The following PCDHA3 variants were observed in gnomAD, a reference collection of about 807,000 sequenced individuals.
PCDHA3 encodes protocadherin alpha-3.
Under a neutral mutation model 62.2 loss-of-function variants are expected in PCDHA3, and 41 were observed. The observed-to-expected ratio is 0.66, with a 90% CI of 0.51 to 0.86. The LOEUF (loss-of-function observed/expected upper bound fraction) is 0.86. Among genes scored for constraint, PCDHA3 ranks in the 40% least tolerant of loss-of-function variants. PCDHA3 has a pLI of 0.00. For synonymous variants in PCDHA3, 640 were observed against 555.4 expected (o/e 1.15, Z -2.14); for missense variants, 1,304 against 1,241.2 (o/e 1.05, Z -0.76).
At chr5:140,896,517 A>G (rs1300184594) in intron 1 of PCDHA3, among the ~76,000 whole-genome samples, 1 of 149,680 alleles carries the variant, frequency 6.7e-6, no homozygotes, top group African/African-American at 2.5e-5. Flanking sequence ...GGCACACACC[A>G]CAAAGCCCAG....
chr5:140,875,741 T>A lies in PCDHA3; in HGVS notation c.2394+72150T>A, dbSNP rs781967971. On this transcript the variant is annotated intron_variant, in intron 1 of 3. Transcript: ENST00000522353. ...GGCATTTTGTTTGTGAATTCTCGGA[T>A]CGACCGCGAGAAGCTGTGCGGGCGG... 1.7e-5 allele frequency: 28 copies of A among 1,614,216 alleles called. No individual in the cohort carries two copies. Among genetic ancestry groups the A allele is most frequent in the Non-Finnish European group, 2.2e-5 (26 of 1,180,032 alleles).
chr5:140,861,316 C>T (rs1554154495), intron 1 of PCDHA3: 4 of 215,598 alleles, frequency 1.9e-5, no homozygotes, highest in African/African-American at 9.3e-5. Context: ...AGGACCAGTT[C>T]CACTACACCA....
At chr5:140,892,086 C>T (rs965682257) in intron 1 of PCDHA3, among the ~76,000 whole-genome samples, 1 of 152,156 alleles carries the variant, frequency 6.6e-6, no homozygotes, top group Non-Finnish European at 1.5e-5. Context: ...CTAGTTTCCT[C>T]TCGAAACTTT....
chr5:140,830,051 C>G, intron 1 of PCDHA3: 2 of 1,613,728 alleles, frequency 1.2e-6, no homozygotes, highest in East Asian at 4.5e-5. Context: ...GGTGAAAGAC[C>G]ACGGTGAGCC....
In PCDHA3 at chr5:140,803,275, T is replaced by A; in HGVS notation, c.2078T>A (p.Leu693Gln). The A allele has an allele frequency of 6.2e-7, 1 of 1,614,018 alleles. No homozygotes were observed. Among genetic ancestry groups the A allele is most frequent in the South Asian group, 1.1e-5 (1 of 91,088 alleles). ...GGCGCCACGGGCCCGGAAGCTGCAC[T>A]GGTGGATGTCAACGTGTACTTGATC... Reference protein sequence around the residue: ...SAGATGPEAALVDVNVYLIVA... With the variant: ...SAGATGPEAAQVDVNVYLIVA... The change falls in exon 1 of 4, where the codon CTG becomes CAG. Residue 693 changes from leucine (L) to glutamine (Q), a missense_variant. Physicochemically the swap from Leu to Gln is moderately radical, Grantham distance 113. Transcript: ENST00000522353.
At chr5:140,992,807 C>G (rs781970284) in intron 3 of PCDHA3, among the ~76,000 whole-genome samples, 6 of 152,108 alleles carry the variant, frequency 3.9e-5, no homozygotes, top group Non-Finnish European at 4.4e-5. Flanking sequence ...CCATATGTAT[C>G]TAAGGATGTG....
intron 1 of PCDHA3, chr5:140,927,270 C>A (rs541200655): frequency 1.2e-6 from 2 of 1,614,034 alleles, no homozygotes; most frequent in Non-Finnish European, 1.7e-6. Context: ...TCTTTCCTGC[C>A]GGCGACGTGC....
chr5:140,831,775 T>C (rs1771697165), intron 1 of PCDHA3, among the ~76,000 whole-genome samples: 1 of 152,168 alleles, frequency 6.6e-6, no homozygotes, highest in South Asian at 2.1e-4. Context: ...TGTGGATGGA[T>C]TGTTTCACCT....
chr5:140,907,298 A>G (rs138771358), intron 1 of PCDHA3, among the ~76,000 whole-genome samples: 4 of 152,162 alleles, frequency 2.6e-5, no homozygotes, highest in Non-Finnish European at 4.4e-5. Flanking sequence ...CTGCTTCAGG[A>G]TGATGGGGAA....
intron 1 of PCDHA3, chr5:140,830,292 C>T (rs2150184584): frequency 1.2e-6 from 2 of 1,613,712 alleles, no homozygotes; most frequent in Non-Finnish European, 1.7e-6. Flanking sequence ...GCGTGCACGG[C>T]GGACAAGCCC....
chr5:140,947,882 T>C (rs1554218353), intron 1 of PCDHA3, among the ~76,000 whole-genome samples: 1 of 151,580 alleles, frequency 6.6e-6, no homozygotes, highest in Non-Finnish European at 1.5e-5. Context: ...TCCAGGACAA[T>C]ATAAACAGAA....
chr5:140,852,859 C>T, intron 1 of PCDHA3: 1 of 960,834 alleles, frequency 1.0e-6, no homozygotes. Context: ...TAAGCATTTA[C>T]TATGTCATCA....
At chr5:140,821,807 C>A (rs1291478949) in intron 1 of PCDHA3, 1 of 1,613,374 alleles carries the variant, frequency 6.2e-7, no homozygotes, top group African/African-American at 1.3e-5. Flanking sequence ...AGTCTGGGAT[C>A]CCGGCTCCTG....
chr5:140,990,990 A>G (rs1269528161), intron 3 of PCDHA3, among the ~76,000 whole-genome samples: 1 of 152,210 alleles, frequency 6.6e-6, no homozygotes, highest in East Asian at 1.9e-4. Flanking sequence ...GACAATAGCT[A>G]CCATTTATTG....
chr5:140,897,975 C>T (rs2066435180), intron 1 of PCDHA3, among the ~76,000 whole-genome samples: 1 of 152,228 alleles, frequency 6.6e-6, no homozygotes. Context: ...CTTTTGGCTG[C>T]ATAAATGTCT....
chr5:140,973,556 C>A lies in PCDHA3; in HGVS notation c.2395-5393C>A, dbSNP rs993191449. Among the ~76,000 whole-genome samples the A allele has an allele frequency of 3.9e-5, 6 of 152,336 alleles. 1 individual carries two copies. In the South Asian group the frequency reaches 1.2e-3, roughly 32 times the overall value. ...ATACAATAATTTATTTCAATTACCT[C>A]TTTCCTCAATTTTTCTACAGACTGC... On this transcript the variant is annotated intron_variant, in intron 1 of 3. Coordinates refer to ENST00000522353, the MANE Select transcript of PCDHA3 (RefSeq NM_018906.3).
In PCDHA3 at chr5:140,979,008, G is replaced by T; in HGVS notation, c.2453+1G>T. 1 of 1,613,990 alleles carries T rather than the reference G, an allele frequency of 6.2e-7. No individual in the cohort carries two copies. The highest frequency in any genetic ancestry group is 1.3e-5 in the African/African-American group (1 of 75,044). ...CCTCCCTGAGAGCAGGCATGCACAG[G>T]TATGTATTTCCCTCCTCATTCACTC... On this transcript the variant is annotated splice_donor_variant, in intron 2 of 3. Transcript: ENST00000522353. LOFTEE classifies it high-confidence loss of function.
intron 1 of PCDHA3, chr5:140,882,108 A>G: frequency 7.3e-7 from 1 of 1,370,912 alleles, no homozygotes; most frequent in Non-Finnish European, 9.8e-7. Flanking sequence ...TCCGCGAAGA[A>G]AGCCGCCGTT....
chr5:140,842,636 G>A, intron 1 of PCDHA3: 2 of 1,591,718 alleles, frequency 1.3e-6, no homozygotes, highest in South Asian at 1.1e-5. Flanking sequence ...GTGGGCCACC[G>A]CCAGCTTGTC....
Sources: allele counts gnomAD v4.1 joint callset (sites outside exome capture counted in the v4.1 genomes callset), GRCh38; gene constraint gnomAD v4.1.1; transcripts MANE v1.5; gene names NCBI Gene and HGNC (gene_info 2026-07-23, HGNC 2026-07-21).